The following NDUFAF6 variants were observed in gnomAD, a reference collection of about 807,000 sequenced individuals.
The protein encoded by NDUFAF6 is NADH:ubiquinone oxidoreductase complex assembly factor 6.
In NDUFAF6, 45 loss-of-function variants were observed where a neutral mutation model predicts 40.8. The ratio of observed to expected loss-of-function variants is 1.10; its 90% CI spans 0.87 to 1.42. The LOEUF (loss-of-function observed/expected upper bound fraction) is 1.42, where lower values mean the gene tolerates loss of function less well. NDUFAF6 is among the 40% of genes most tolerant of loss of function. The pLI is 0.00. For missense variants in NDUFAF6, 435 were observed against 418.5 expected (o/e 1.04, Z -0.34); for synonymous variants, 185 against 155.9 (o/e 1.19, Z -1.39).
chr8:95,105,271 A>G (rs189002976), downstream of NDUFAF6, among the ~76,000 whole-genome samples: 16 of 152,312 alleles, frequency 1.1e-4, no homozygotes, highest in Middle Eastern at 0.01. Flanking sequence ...ACAGCTGGCC[A>G]TGCCTGTAAG....
At chr8:95,028,534 G>A (rs1188452101) in intron 1 of NDUFAF6, among the ~76,000 whole-genome samples, 4 of 152,086 alleles carry the variant, frequency 2.6e-5, no homozygotes, top group Admixed American at 6.5e-5. Flanking sequence ...TATTTAATAC[G>A]GCAGATCCTT....
chr8:94,980,180 G>A (rs1343073304), intron 1 of NDUFAF6, among the ~76,000 whole-genome samples: 1 of 150,346 alleles, frequency 6.7e-6, no homozygotes, highest in Non-Finnish European at 1.5e-5. Flanking sequence ...TTACTTATAT[G>A]TGGGAAAGTC....
rs138141561 is a variant in NDUFAF6, at chr8:95,070,257, C to G, written c.*512-5376C>G. Among the ~76,000 whole-genome samples the G allele has an allele frequency of 1.7e-4, 26 of 152,218 alleles. No individual in the cohort carries two copies. The East Asian group carries it at 5.0e-3, about 29-fold the overall frequency. On this transcript the variant is annotated intron_variant and NMD_transcript_variant, in intron 9 of 9. Transcript: ENST00000520757. ...TTCATTTTCTCATCTGTAAAATGGC[C>G]TAGTGATAGTGCCTACTTCCTAGAA...
intron 2 of NDUFAF6, among the ~76,000 whole-genome samples, chr8:94,985,494 TATATATATATATATATATATA>T (rs1331245065): frequency 0.024 from 207 of 8,450 alleles, 5 homozygotes; most frequent in African/African-American, 0.035. Context: ...TATATATATA[TATATATATATATATATATATA>T]TTTTTTTTTT....
At chr8:95,113,074 C>T (rs905662754) in intron 4 of NDUFAF6, among the ~76,000 whole-genome samples, 3 of 152,112 alleles carry the variant, frequency 2.0e-5, no homozygotes, top group Non-Finnish European at 2.9e-5. Context: ...CACAGTCCTA[C>T]GGGTGAGGAA....
intron 1 of NDUFAF6, among the ~76,000 whole-genome samples, chr8:95,029,415 G>T (rs1309007142): frequency 1.3e-5 from 2 of 152,130 alleles, no homozygotes; most frequent in Non-Finnish European, 2.9e-5. Flanking sequence ...ATGCAGACAT[G>T]ATACTTCATT....
At chr8:94,913,188 C>T (rs753302481) in intron 1 of NDUFAF6, among the ~76,000 whole-genome samples, 9 of 152,156 alleles carry the variant, frequency 5.9e-5, no homozygotes, top group Non-Finnish European at 1.3e-4. Context: ...AACATCAGTG[C>T]CTGTCCCAGC....
At chr8:94,935,009 CTT>C (rs1820814898) in intron 1 of NDUFAF6, among the ~76,000 whole-genome samples, 1 of 151,970 alleles carries the variant, frequency 6.6e-6, no homozygotes, top group Non-Finnish European at 1.5e-5. Flanking sequence ...AATATTGAGA[CTT>C]GAGAGTATGG....
chr8:94,912,872 T>G (rs981659290), intron 1 of NDUFAF6, among the ~76,000 whole-genome samples: 1 of 150,214 alleles, frequency 6.7e-6, no homozygotes. Context: ...CCAGCTACTC[T>G]GGAGGCTGAG....
At chr8:95,016,483 G>A (rs948837885) in intron 2 of NDUFAF6, among the ~76,000 whole-genome samples, 2 of 152,216 alleles carry the variant, frequency 1.3e-5, no homozygotes, top group Non-Finnish European at 2.9e-5. Flanking sequence ...GGTGGCTCAC[G>A]CCTGTAATCC....
rs535047055 is a variant in NDUFAF6 at position 95,086,654 on chromosome 8, T to C, written n.213+10902T>C. ...GTTTCCTCTGTTGCCCAGGCTGGAG[T>C]GCAGTGGCGCGATCTCCGCTCACTG... On this transcript the variant is annotated intron_variant and non_coding_transcript_variant, in intron 2 of 5. Coordinates refer to the NDUFAF6 transcript ENST00000523184. Among the ~76,000 whole-genome samples the C allele has an allele frequency of 2.0e-5, 3 of 149,896 alleles. No individual in the cohort carries two copies. The East Asian group carries it at 5.9e-4, about 29-fold the overall frequency.
Position 95,058,027 on chromosome 8 carries a change from A to C in NDUFAF6, c.*90A>C, listed in dbSNP as rs1832412871. ...TAGGAACAACAGGAAATGACTGTTAAGGAGAAAATGAATTTATTGAATGGG... is the reference window on the plus strand; with the variant it reads ...TAGGAACAACAGGAAATGACTGTTACGGAGAAAATGAATTTATTGAATGGG... On this transcript the variant is annotated 3_prime_UTR_variant, in exon 9 of 9. Coordinates refer to ENST00000396124, the MANE Select transcript of NDUFAF6 (RefSeq NM_152416.4). The C allele has an allele frequency of 4.2e-5, 64 of 1,509,376 alleles. No homozygotes were observed. Among genetic ancestry groups the C allele is most frequent in the Non-Finnish European group, 5.2e-5 (59 of 1,128,446 alleles). 93.5% of individuals were successfully genotyped at this position (1,509,376 alleles called of 1,614,324 possible). A position where few individuals can be genotyped will look rare whatever the true frequency, so the allele number is the denominator to read the frequency against.
At chr8:94,966,813 C>T (rs1050731265) in intron 1 of NDUFAF6, among the ~76,000 whole-genome samples, 7 of 152,152 alleles carry the variant, frequency 4.6e-5, no homozygotes, top group Non-Finnish European at 7.3e-5. Flanking sequence ...CTATTTCAGG[C>T]AGCGGGAAAG....
At chr8:94,991,229 A>G (rs1452996641) in intron 2 of NDUFAF6, among the ~76,000 whole-genome samples, 2 of 152,236 alleles carry the variant, frequency 1.3e-5, no homozygotes, top group African/African-American at 4.8e-5. Flanking sequence ...TTAATAAAAA[A>G]TATCTTCCAA....
downstream of NDUFAF6, among the ~76,000 whole-genome samples, chr8:95,063,632 C>T (rs981357123): frequency 2.6e-5 from 4 of 152,098 alleles, no homozygotes; most frequent in South Asian, 2.1e-4. Context: ...AACAGTCCTG[C>T]CTTGGTGTAC....
chr8:95,039,417 C>T (rs955311866), intron 3 of NDUFAF6, among the ~76,000 whole-genome samples: 4 of 151,382 alleles, frequency 2.6e-5, no homozygotes, highest in African/African-American at 9.7e-5. Context: ...TGCGCCATTG[C>T]ACTCCAGCCT....
At chr8:94,969,373 A>C (rs1339880833) in intron 1 of NDUFAF6, among the ~76,000 whole-genome samples, 1 of 152,214 alleles carries the variant, frequency 6.6e-6, no homozygotes, top group Non-Finnish European at 1.5e-5. Context: ...ACATGCCTCC[A>C]AGGGTCAAGT....
At chr8:95,109,536 G>T (rs1047416337) in intron 4 of NDUFAF6, among the ~76,000 whole-genome samples, 1 of 152,052 alleles carries the variant, frequency 6.6e-6, no homozygotes, top group Non-Finnish European at 1.5e-5. Flanking sequence ...TAAATGCGTG[G>T]ATTTGCAGAA....
chr8:95,026,489 A>T (rs894262567), intron 1 of NDUFAF6, among the ~76,000 whole-genome samples: 1 of 152,096 alleles, frequency 6.6e-6, no homozygotes, highest in Non-Finnish European at 1.5e-5. Context: ...TTTATTTCCT[A>T]CCTTATTTGT....
Sources: gnomAD v4.1 joint callset for allele counts (sites outside exome capture counted in the v4.1 genomes callset) on GRCh38, gnomAD v4.1.1 for gene constraint, MANE v1.5 for transcripts, NCBI Gene and HGNC (gene_info 2026-07-23, HGNC 2026-07-21) for gene names.